The following OLFM3 variants were observed in gnomAD, a reference collection of about 807,000 sequenced individuals.
The protein encoded by OLFM3 is olfactomedin 3, also known as noelin-3.
A neutral mutation model predicts 48.6 loss-of-function variants in OLFM3; 20 were observed. The ratio of observed to expected loss-of-function variants is 0.41; its 90% CI spans 0.29 to 0.60. The LOEUF (loss-of-function observed/expected upper bound fraction) is 0.60, where lower values mean the gene tolerates loss of function less well. OLFM3 is among the 20% of genes least tolerant of loss of function. The probability of loss-of-function intolerance (pLI) is 0.28; values close to 1 mark genes in which losing one functional copy is unlikely to be tolerated. For synonymous variants in OLFM3, 222 were observed against 198.1 expected (o/e 1.12, Z -1.01); for missense variants, 437 against 544.3 (o/e 0.80, Z 1.96).
At position 101,822,888 on chromosome 1, in the gene OLFM3, A is replaced by G. The variant is rs113184059; in HGVS notation, c.592+2138T>C. ...TTATAAAAGCAGAGCATGTAAAATA[A>G]TTATTTAAGTGCTATGTTAAATAAA... On this transcript the variant is annotated intron_variant, in intron 4 of 5. Coordinates refer to ENST00000370103, the MANE Select transcript of OLFM3 (RefSeq NM_058170.4). Among the ~76,000 whole-genome samples the G allele has an allele frequency of 8.4e-4, 126 of 150,324 alleles. 1 individual carries two copies. The highest frequency in any genetic ancestry group is 2.8e-3 in the African/African-American group (114 of 41,422).
intron 1 of OLFM3, among the ~76,000 whole-genome samples, chr1:101,878,923 G>A (rs1187041395): frequency 6.6e-6 from 1 of 151,854 alleles, no homozygotes; most frequent in South Asian, 2.1e-4. Flanking sequence ...CTGCCCCTTA[G>A]AGAAATCATA....
At chr1:101,873,830 C>A (rs1248604239) in intron 1 of OLFM3, among the ~76,000 whole-genome samples, 1 of 151,724 alleles carries the variant, frequency 6.6e-6, no homozygotes, top group Non-Finnish European at 1.5e-5. Flanking sequence ...TTAAATGATG[C>A]AATACTTCCT....
intron 1 of OLFM3, among the ~76,000 whole-genome samples, chr1:101,989,507 TGTAA>T (rs1297063578): frequency 2.0e-5 from 3 of 152,156 alleles, no homozygotes; most frequent in Non-Finnish European, 2.9e-5. Flanking sequence ...TGGTATGGTG[TGTAA>T]GTATTTTTAA....
intron 1 of OLFM3, among the ~76,000 whole-genome samples, chr1:101,971,792 G>C (rs1310378837): frequency 1.3e-5 from 2 of 152,028 alleles, no homozygotes; most frequent in East Asian, 3.8e-4. Flanking sequence ...ACGTTGTTAG[G>C]AGTATGGGGA....
intron 1 of OLFM3, among the ~76,000 whole-genome samples, chr1:101,970,677 T>C (rs1301011980): frequency 6.6e-6 from 1 of 152,160 alleles, no homozygotes; most frequent in African/African-American, 2.4e-5. Flanking sequence ...ACAAACATAG[T>C]TAGGAAAATC....
At chr1:101,811,731 G>C (rs1191240518) in intron 4 of OLFM3, among the ~76,000 whole-genome samples, 1 of 152,162 alleles carries the variant, frequency 6.6e-6, no homozygotes, top group African/African-American at 2.4e-5. Context: ...ATTTTACACT[G>C]TTGGTGGGAC....
intron 1 of OLFM3, among the ~76,000 whole-genome samples, chr1:101,958,835 T>TTATATATATATA (rs10571792): frequency 3.7e-4 from 54 of 146,420 alleles, no homozygotes; most frequent in Admixed American, 2.3e-3. Context: ...CAAAGTGATA[T>TTATATATATATA]TATATATATA....
intron 1 of OLFM3, among the ~76,000 whole-genome samples, chr1:101,932,031 A>G (rs1659459519): frequency 6.6e-6 from 1 of 152,170 alleles, no homozygotes; most frequent in African/African-American, 2.4e-5. Context: ...ATGGCAAAAT[A>G]TGCATGGCTC....
intron 1 of OLFM3, among the ~76,000 whole-genome samples, chr1:101,951,502 G>A (rs1442231728): frequency 2.0e-5 from 3 of 152,022 alleles, no homozygotes; most frequent in African/African-American, 7.3e-5. Context: ...TCAGATGTTG[G>A]CAGGGGTTCC....
intron 1 of OLFM3, chr1:101,910,094 C>T (rs1658697848): frequency 1.0e-6 from 1 of 984,714 alleles, no homozygotes; most frequent in Non-Finnish European, 1.2e-6. Flanking sequence ...TATCCCTTGT[C>T]TCAGAGAAGC....
At chr1:101,921,284 C>T (rs1659086977) in intron 1 of OLFM3, among the ~76,000 whole-genome samples, 1 of 151,646 alleles carries the variant, frequency 6.6e-6, no homozygotes, top group Non-Finnish European at 1.5e-5. Flanking sequence ...ATAATGATCC[C>T]TTGATTCAAG....
intron 4 of OLFM3, 45 bp from the exon 5 acceptor site, chr1:101,806,227 G>T: frequency 1.4e-6 from 2 of 1,434,298 alleles, no homozygotes; most frequent in Non-Finnish European, 9.8e-7. Flanking sequence ...CGCAGCCAAT[G>T]ATTCCAATAC....
chr1:101,962,494 C>T lies in OLFM3; in HGVS notation c.69+34254G>A, dbSNP rs553139702. On this transcript the variant is annotated intron_variant, in intron 1 of 5. Transcript: ENST00000370103. The stretch of plus-strand genomic sequence containing the variant: ...AGTACAAATGATGCATGGATTATGA[C>T]CAAATGCAACTTTCTTTTTGATTTT... Among the ~76,000 whole-genome samples, 226 of 152,168 alleles carry T rather than the reference C, an allele frequency of 1.5e-3. 3 individuals are homozygous for T. Among genetic ancestry groups the T allele is most frequent in the African/African-American group, 5.2e-3 (217 of 41,538 alleles).
intron 1 of OLFM3, among the ~76,000 whole-genome samples, chr1:101,853,557 G>A (rs1283708776): frequency 2.0e-5 from 3 of 151,930 alleles, no homozygotes; most frequent in Non-Finnish European, 4.4e-5. Flanking sequence ...TTCTTTACTG[G>A]GGTATTCTTA....
At chr1:101,908,098 T>C (rs1447299556) in intron 1 of OLFM3, among the ~76,000 whole-genome samples, 1 of 152,234 alleles carries the variant, frequency 6.6e-6, no homozygotes, top group East Asian at 1.9e-4. Context: ...GTTTTATGTG[T>C]TACTAATGGA....
chr1:101,831,234 A>G (rs992788287), intron 2 of OLFM3, among the ~76,000 whole-genome samples: 13 of 152,286 alleles, frequency 8.5e-5, no homozygotes, highest in African/African-American at 2.9e-4. Context: ...GCAATTGTGG[A>G]TGGTAGTGAA....
intron 1 of OLFM3, among the ~76,000 whole-genome samples, chr1:101,884,302 A>G (rs75152875): frequency 6.6e-6 from 1 of 152,048 alleles, no homozygotes; most frequent in Non-Finnish European, 1.5e-5. Context: ...CCAGCAAAGG[A>G]TGGTTTAATG....
At chr1:101,857,904 A>T (rs1336792) in intron 1 of OLFM3, among the ~76,000 whole-genome samples, 79,641 of 151,804 alleles carry the variant, frequency 0.52, 21,728 homozygotes, top group African/African-American at 0.64. Context: ...TATTTGGAAC[A>T]TTTGATTTAC....
chr1:101,958,836 TA>T lies in OLFM3; in HGVS notation c.69+37911del, dbSNP rs1557746687. On this transcript the variant is annotated intron_variant, in intron 1 of 5. Coordinates refer to ENST00000370103, the MANE Select transcript of OLFM3 (RefSeq NM_058170.4). Reference sequence around the variant, plus strand: ...GTTCTTATGGTATACAAAGTGATATTATATATATATATATATATATATGATT... The same window carrying T: ...GTTCTTATGGTATACAAAGTGATATTTATATATATATATATATATATGATT... Among the ~76,000 whole-genome samples the T allele has an allele frequency of 3.7e-3, 12 of 3,248 alleles. No homozygotes were observed. The South Asian group carries it at 0.12, about 31-fold the overall frequency. 2.1% of individuals were successfully genotyped at this position (3,248 alleles called of 152,430 possible).
Sources: gnomAD v4.1 joint callset for allele counts (sites outside exome capture counted in the v4.1 genomes callset) on GRCh38, gnomAD v4.1.1 for gene constraint, MANE v1.5 for transcripts, NCBI Gene and HGNC (gene_info 2026-07-23, HGNC 2026-07-21) for gene names.